The following THADA variants were observed in gnomAD, a reference collection of about 807,000 sequenced individuals.
THADA encodes tRNA (32-2'-O)-methyltransferase regulator THADA.
A neutral mutation model predicts 219.8 loss-of-function variants in THADA; 213 were observed. The ratio of observed to expected loss-of-function variants is 0.97; its 90% CI spans 0.87 to 1.09. The LOEUF is 1.09. Ranked by LOEUF, THADA falls within the 50% of genes least tolerant of loss-of-function variation. The pLI, the probability that THADA is intolerant of heterozygous loss-of-function variation, is 0.00. For missense variants in THADA, 2,956 were observed against 2,311.3 expected (o/e 1.28, Z -5.72); for synonymous variants, 1,018 against 828.9 (o/e 1.23, Z -3.92).
chr2:43,487,711 C>A (rs947199078), intron 25 of THADA, among the ~76,000 whole-genome samples: 1 of 152,108 alleles, frequency 6.6e-6, no homozygotes, highest in Non-Finnish European at 1.5e-5. Flanking sequence ...ATAAAAGAGG[C>A]CCCAGTGAGC....
At chr2:43,250,260 G>A (rs1385230822) in intron 36 of THADA, among the ~76,000 whole-genome samples, 1 of 152,180 alleles carries the variant, frequency 6.6e-6, no homozygotes, top group African/African-American at 2.4e-5. Flanking sequence ...GCTACAGCAT[G>A]GATGAACCTT....
intron 36 of THADA, among the ~76,000 whole-genome samples, chr2:43,245,172 C>CTTCTT (rs796699945): frequency 1.9e-5 from 2 of 103,144 alleles, no homozygotes; most frequent in African/African-American, 1.0e-4. Flanking sequence ...CTTTCTTCTT[C>CTTCTT]TTTTTTTTTT....
At chr2:43,368,079 T>C (rs1405865154) in intron 29 of THADA, among the ~76,000 whole-genome samples, 4 of 152,038 alleles carry the variant, frequency 2.6e-5, no homozygotes, top group East Asian at 1.9e-4. Flanking sequence ...GATCACGCCA[T>C]TGCACTCCAG....
At chr2:43,367,646 G>C (rs2104610973) in intron 29 of THADA, among the ~76,000 whole-genome samples, 1 of 152,268 alleles carries the variant, frequency 6.6e-6, no homozygotes, top group East Asian at 1.9e-4. Flanking sequence ...TTAGAGGCAA[G>C]GTACAAGATT....
intron 26 of THADA, among the ~76,000 whole-genome samples, chr2:43,466,039 T>C (rs574698111): frequency 6.6e-6 from 1 of 152,332 alleles, no homozygotes; most frequent in Non-Finnish European, 1.5e-5. Flanking sequence ...ACTGTCTTAA[T>C]ATCTCTAATC....
chr2:43,349,367 G>A (rs1267483965), intron 29 of THADA, among the ~76,000 whole-genome samples: 3 of 152,184 alleles, frequency 2.0e-5, no homozygotes, highest in Non-Finnish European at 4.4e-5. Flanking sequence ...AAAGCATGGG[G>A]TCCATTTTGG....
chr2:43,441,950 AAG>A (rs1175520866), intron 26 of THADA, among the ~76,000 whole-genome samples: 3 of 152,206 alleles, frequency 2.0e-5, no homozygotes, highest in African/African-American at 7.2e-5. Context: ...GGGAGATACT[AAG>A]AGTAAAAGAG....
rs143938377 is a variant in THADA, at chr2:43,335,797, TA to T, written c.4343+8324del. Among the ~76,000 whole-genome samples, 483 of 123,518 alleles carry T rather than the reference TA, an allele frequency of 3.9e-3. 1 individual carries two copies. The highest frequency in any genetic ancestry group is 4.5e-3 in the Admixed American group (55 of 12,146). The allele number at this position is 123,518 out of a possible 152,430, so 81.0% of individuals were successfully genotyped here. ...ACAGAGCAAGCCCCTGTCTCTACTT[TA>T]AAAAAAAAAAAAAAAAAGGGCCAGG... is the stretch of plus-strand genomic sequence containing the variant. On this transcript the variant is annotated intron_variant, in intron 30 of 37. Coordinates refer to ENST00000405975, the MANE Select transcript of THADA (RefSeq NM_022065.5).
intron 7 of THADA, among the ~76,000 whole-genome samples, chr2:43,584,163 G>GGT (rs1016548111): frequency 6.6e-6 from 1 of 151,820 alleles, no homozygotes; most frequent in Non-Finnish European, 1.5e-5. Context: ...GTAGAATAGA[G>GGT]GTTACCTGGG....
chr2:43,457,062 A>C (rs911324854), intron 26 of THADA, among the ~76,000 whole-genome samples: 10 of 150,144 alleles, frequency 6.7e-5, no homozygotes, highest in African/African-American at 2.5e-4. Context: ...ACACGTGCCA[A>C]AGGCCAGGAA....
intron 25 of THADA, among the ~76,000 whole-genome samples, chr2:43,490,891 G>C (rs1382284200): frequency 6.6e-6 from 1 of 152,056 alleles, no homozygotes; most frequent in Non-Finnish European, 1.5e-5. Context: ...GAGGAGGGGA[G>C]TACTGTAATT....
chr2:43,418,849 T>C (rs1204669757), intron 28 of THADA, among the ~76,000 whole-genome samples: 2 of 152,026 alleles, frequency 1.3e-5, no homozygotes, highest in Non-Finnish European at 2.9e-5. Flanking sequence ...GAGTCTGCAA[T>C]AGCATCAAAC....
chr2:43,494,082 C>T (rs1218627633), intron 25 of THADA, among the ~76,000 whole-genome samples: 1 of 152,216 alleles, frequency 6.6e-6, no homozygotes, highest in Non-Finnish European at 1.5e-5. Flanking sequence ...TGAGATGCCA[C>T]ATCACTGGAC....
chr2:43,315,453 TTTTTTTTTC>T (rs898576073), intron 31 of THADA, among the ~76,000 whole-genome samples: 8 of 151,332 alleles, frequency 5.3e-5, no homozygotes, highest in Admixed American at 1.3e-4. Context: ...AGTTACATTC[TTTTTTTTTC>T]TTTTTTTTCT....
In THADA at chr2:43,547,513, T is replaced by C. The variant is rs553740960; in HGVS notation, c.3106+1697A>G. Reference sequence around the variant, plus strand: ...CACTTTCAGGTACACCAATCAGACATAGATTTGGTCTTTTCACATAGTCCC... The same window carrying C: ...CACTTTCAGGTACACCAATCAGACACAGATTTGGTCTTTTCACATAGTCCC... On this transcript the variant is annotated intron_variant, in intron 20 of 37. Transcript: ENST00000405975. Among the ~76,000 whole-genome samples, 18 of 152,358 alleles carry C rather than the reference T, an allele frequency of 1.2e-4. No individual in the cohort carries two copies. The South Asian group carries it at 2.9e-3, about 25-fold the overall frequency.
chr2:43,449,525 CT>C (rs1295373034), intron 26 of THADA, among the ~76,000 whole-genome samples: 2 of 152,172 alleles, frequency 1.3e-5, no homozygotes, highest in African/African-American at 4.8e-5. Flanking sequence ...TAAAATCAAA[CT>C]GTCAAAAGAC....
intron 30 of THADA, among the ~76,000 whole-genome samples, chr2:43,326,997 G>A (rs1405005697): frequency 6.6e-6 from 1 of 152,140 alleles, no homozygotes; most frequent in Non-Finnish European, 1.5e-5. Flanking sequence ...TATCCTACAT[G>A]GGGTGGGAAG....
intron 29 of THADA, among the ~76,000 whole-genome samples, chr2:43,350,373 T>C (rs1668114322): frequency 6.6e-6 from 1 of 152,180 alleles, no homozygotes. Flanking sequence ...ATTGTGTTTG[T>C]ATGTGAGTGG....
intron 26 of THADA, among the ~76,000 whole-genome samples, chr2:43,433,151 G>C (rs1010950863): frequency 6.6e-6 from 1 of 152,002 alleles, no homozygotes; most frequent in African/African-American, 2.4e-5. Flanking sequence ...GTGAGATAGA[G>C]GTCAAGGTTC....
Sources: gnomAD v4.1 joint callset for allele counts (sites outside exome capture counted in the v4.1 genomes callset) on GRCh38, gnomAD v4.1.1 for gene constraint, MANE v1.5 for transcripts, NCBI Gene and HGNC (gene_info 2026-07-23, HGNC 2026-07-21) for gene names.